HIVEP3: variants seen among roughly 807,000 people sequenced by gnomAD.
The protein encoded by HIVEP3 is HIVEP zinc finger 3, also known as transcription factor HIVEP3.
In HIVEP3, 49 loss-of-function variants were observed where a neutral mutation model predicts 152.8. The observed-to-expected ratio is 0.32, with a 90% confidence interval of 0.26 to 0.41. HIVEP3 has a LOEUF of 0.41. Among genes scored for constraint, HIVEP3 ranks in the 10% least tolerant of loss-of-function variants. HIVEP3 has a pLI of 1.00. For synonymous variants in HIVEP3, 1,269 were observed against 1,289.0 expected (o/e 0.98, Z 0.33); for missense variants, 2,790 against 3,103.3 (o/e 0.90, Z 2.40).
intron 2 of HIVEP3, among the ~76,000 whole-genome samples, chr1:41,661,910 G>A (rs940178878): frequency 2.0e-5 from 3 of 152,200 alleles, no homozygotes; most frequent in African/African-American, 7.2e-5. Context: ...AACGCTGGCT[G>A]AGAGCGCGTG....
intron 1 of HIVEP3, among the ~76,000 whole-genome samples, chr1:41,787,317 A>G (rs1393223967): frequency 6.6e-6 from 1 of 152,118 alleles, no homozygotes; most frequent in Non-Finnish European, 1.5e-5. Context: ...CATATTCCTC[A>G]CTGCTTTAGC....
intron 1 of HIVEP3, among the ~76,000 whole-genome samples, chr1:41,806,565 G>T (rs900539922): frequency 2.0e-5 from 3 of 152,250 alleles, no homozygotes; most frequent in African/African-American, 7.2e-5. Context: ...TGCCTCTGAA[G>T]GTTGTCACTA....
intron 3 of HIVEP3, among the ~76,000 whole-genome samples, chr1:41,618,583 G>T (rs988972746): frequency 6.6e-6 from 1 of 152,218 alleles, no homozygotes; most frequent in African/African-American, 2.4e-5. Context: ...CCCCTGTCCC[G>T]TTCTTTCCCT....
intron 1 of HIVEP3, among the ~76,000 whole-genome samples, chr1:41,721,485 T>A (rs1356838892): frequency 6.6e-6 from 1 of 152,180 alleles, no homozygotes; most frequent in East Asian, 1.9e-4. Flanking sequence ...GGATTACAGA[T>A]GTGAGCCACC....
At chr1:41,806,839 T>C (rs1252403358) in intron 1 of HIVEP3, among the ~76,000 whole-genome samples, 4 of 152,100 alleles carry the variant, frequency 2.6e-5, no homozygotes, top group African/African-American at 9.7e-5. Flanking sequence ...CTTCCCTGCT[T>C]TACCCAAGAG....
chr1:41,777,812 G>A (rs1648803424), intron 1 of HIVEP3, among the ~76,000 whole-genome samples: 1 of 152,202 alleles, frequency 6.6e-6, no homozygotes, highest in South Asian at 2.1e-4. Context: ...AATCCGCACA[G>A]TAGTCCACCC....
chr1:41,733,727 G>C (rs751587456), intron 1 of HIVEP3, among the ~76,000 whole-genome samples: 14 of 152,226 alleles, frequency 9.2e-5, no homozygotes, highest in Admixed American at 3.3e-4. Context: ...GCAACCAAGG[G>C]ACTGGAAAGA....
chr1:41,566,222 A>G (rs940666326), intron 5 of HIVEP3, among the ~76,000 whole-genome samples: 1 of 152,180 alleles, frequency 6.6e-6, no homozygotes, highest in Non-Finnish European at 1.5e-5. Flanking sequence ...TCACAAATGC[A>G]TGGTGGGTGA....
At position 41,861,134 on chromosome 1, in the gene HIVEP3, G is replaced by C. The variant is rs918026743; in HGVS notation, c.-801+57279C>G. On this transcript the variant is annotated intron_variant, in intron 1 of 8. Coordinates refer to ENST00000372583, the MANE Select transcript of HIVEP3 (RefSeq NM_024503.5). ...AGCACTGCCTGTGTCCGTCAGTATG[G>C]GCAGAATGGCTAATGACTCCAAATA... Among the ~76,000 whole-genome samples the C allele has an allele frequency of 5.3e-5, 8 of 152,294 alleles. No homozygotes were observed. In the East Asian group the frequency reaches 7.7e-4, roughly 15 times the overall value.
chr1:41,795,429 T>C (rs1032473266), intron 1 of HIVEP3, among the ~76,000 whole-genome samples: 1 of 152,240 alleles, frequency 6.6e-6, no homozygotes, highest in Non-Finnish European at 1.5e-5. Context: ...TTACTGGTGA[T>C]GTTAACCTTG....
chr1:41,664,808 T>C lies in HIVEP3; in HGVS notation c.-720-35861A>G, dbSNP rs1299449248. Among the ~76,000 whole-genome samples the C allele has an allele frequency of 6.6e-6, 1 of 152,126 alleles. No homozygotes were observed. The highest frequency in any genetic ancestry group is 1.9e-4 in the East Asian group (1 of 5,184). ...CTGGGATGGCTTGGGATTTGTCTCC[T>C]CCTTTCTCTTGACAAACTCCTCTGC... On this transcript the variant is annotated intron_variant, in intron 2 of 8. Transcript: ENST00000372583. This position sits in a 1 kb window ranked among gnomAD's most constrained non-coding sequence, Gnocchi z 4.4.
chr1:41,571,701 G>C (rs1427625212), intron 5 of HIVEP3, among the ~76,000 whole-genome samples: 1 of 152,234 alleles, frequency 6.6e-6, no homozygotes, highest in Non-Finnish European at 1.5e-5. Flanking sequence ...GAGCAGGGCT[G>C]AGTATTGGCT....
chr1:41,669,970 G>A (rs541592396), intron 2 of HIVEP3, among the ~76,000 whole-genome samples: 1 of 152,070 alleles, frequency 6.6e-6, no homozygotes, highest in Admixed American at 6.5e-5. Context: ...TCCTTTTTGG[G>A]GTCTCACATC....
chr1:41,563,710 T>G (rs1177017419), intron 5 of HIVEP3, among the ~76,000 whole-genome samples: 1 of 151,452 alleles, frequency 6.6e-6, no homozygotes, highest in Admixed American at 6.6e-5. Context: ...CGAGACCAAA[T>G]AAACACACAA....
intron 1 of HIVEP3, among the ~76,000 whole-genome samples, chr1:41,716,303 G>A (rs1487419464): frequency 6.6e-6 from 1 of 152,190 alleles, no homozygotes; most frequent in African/African-American, 2.4e-5. Flanking sequence ...AGGGGGCTGG[G>A]CCAAGGTAGG....
chr1:41,695,302 C>G (rs1646257220), intron 2 of HIVEP3, among the ~76,000 whole-genome samples: 1 of 152,210 alleles, frequency 6.6e-6, no homozygotes, highest in African/African-American at 2.4e-5. Flanking sequence ...GGCTTTTAGA[C>G]AGCCCTGCAG....
intron 1 of HIVEP3, among the ~76,000 whole-genome samples, chr1:41,972,561 T>C (rs74791267): frequency 0.014 from 2,144 of 152,334 alleles, 48 homozygotes; most frequent in African/African-American, 0.049. Context: ...TGGTGGGACA[T>C]GTTTCAAAAG....
At chr1:41,787,127 A>T (rs554942075) in intron 1 of HIVEP3, among the ~76,000 whole-genome samples, 1 of 152,292 alleles carries the variant, frequency 6.6e-6, no homozygotes, top group Non-Finnish European at 1.5e-5. Context: ...TATTTCCTTT[A>T]ACTCAATATT....
rs147034646 is a variant in HIVEP3, at chr1:41,860,085, C to T, written c.-801+58328G>A. Among the ~76,000 whole-genome samples the T allele has an allele frequency of 2.4e-3, 358 of 152,254 alleles. 1 individual carries two copies. Among genetic ancestry groups the T allele is most frequent in the African/African-American group, 8.1e-3 (336 of 41,538 alleles). ...CAAACCTCAAAGAAAAGATGGCTTG[C>T]GGATCAACAACTGGATTCTGAAGAC... is the stretch of plus-strand genomic sequence containing the variant. On this transcript the variant is annotated intron_variant, in intron 1 of 8. Transcript: ENST00000372583.
Sources: allele counts gnomAD v4.1 joint callset (sites outside exome capture counted in the v4.1 genomes callset), GRCh38; gene constraint gnomAD v4.1.1; non-coding constraint Gnocchi (gnomAD v3.1); transcripts MANE v1.5; gene names NCBI Gene and HGNC (gene_info 2026-07-23, HGNC 2026-07-21).